Variants in IGF2BP1 observed in about 807,000 individuals in gnomAD.
The protein encoded by IGF2BP1 is insulin like growth factor 2 mRNA binding protein 1.
In IGF2BP1, 11 loss-of-function variants were observed where a neutral mutation model predicts 74.9. That is an observed-to-expected ratio of 0.15 (90% CI 0.09 to 0.24). The LOEUF (loss-of-function observed/expected upper bound fraction) is 0.24. IGF2BP1 is among the 10% of genes least tolerant of loss of function. The pLI is 1.00. For missense variants in IGF2BP1, 440 were observed against 757.4 expected (o/e 0.58, Z 4.92); for synonymous variants, 287 against 281.8 (o/e 1.02, Z -0.18).
intron 7 of IGF2BP1, 89 bp from the exon 8 acceptor site, chr17:49,041,289 C>A: frequency 6.9e-7 from 1 of 1,447,086 alleles, no homozygotes; most frequent in Non-Finnish European, 9.5e-7. Context: ...TTGGAAATGC[C>A]AAGTCTGGGG....
intron 3 of IGF2BP1, among the ~76,000 whole-genome samples, chr17:49,025,919 G>A (rs2041848431): frequency 6.8e-6 from 1 of 147,706 alleles, no homozygotes; most frequent in Non-Finnish European, 1.5e-5. Flanking sequence ...GCAGTGGCGC[G>A]ATCTCGACTC....
intron 2 of IGF2BP1, among the ~76,000 whole-genome samples, chr17:49,008,799 A>G (rs1214390875): frequency 2.6e-4 from 40 of 152,106 alleles, no homozygotes; most frequent in Admixed American, 2.6e-3. Flanking sequence ...CATGGGAGAA[A>G]ACATTTAACA....
At chr17:49,035,410 G>T (rs571998124) in intron 5 of IGF2BP1, among the ~76,000 whole-genome samples, 1 of 152,346 alleles carries the variant, frequency 6.6e-6, no homozygotes, top group African/African-American at 2.4e-5. Flanking sequence ...TAAGTTTCCT[G>T]CTTCATATAG....
intron 1 of IGF2BP1, among the ~76,000 whole-genome samples, chr17:48,998,894 G>T (rs1046056690): frequency 6.6e-6 from 1 of 152,012 alleles, no homozygotes; most frequent in African/African-American, 2.4e-5. Flanking sequence ...ATTTAATAAA[G>T]CAAAAATTAA....
chr17:49,053,281 A>G lies in IGF2BP1; in HGVS notation c.*3837A>G, dbSNP rs1003286697. 1.3e-5 allele frequency: 2 copies of G among 152,686 alleles called. No homozygotes were observed. Among genetic ancestry groups the G allele is most frequent in the Non-Finnish European group, 2.9e-5 (2 of 68,074 alleles). The allele number at this position is 152,686 out of a possible 1,614,324, so 9.5% of individuals were successfully genotyped here. Reference sequence around the variant, plus strand: ...TCTGTGTCCATTTTCCTCTGTGCCAAAGACAGACAGACAGAGGCTGAGAGA... The same window carrying G: ...TCTGTGTCCATTTTCCTCTGTGCCAGAGACAGACAGACAGAGGCTGAGAGA... On this transcript the variant is annotated 3_prime_UTR_variant, in exon 15 of 15. Coordinates refer to ENST00000290341, the MANE Select transcript of IGF2BP1 (RefSeq NM_006546.4).
At chr17:49,026,899 A>G (rs913713322) in intron 4 of IGF2BP1, among the ~76,000 whole-genome samples, 8 of 152,104 alleles carry the variant, frequency 5.3e-5, no homozygotes, top group African/African-American at 1.9e-4. Context: ...ACGTGCCACC[A>G]TACCCAGCTG....
chr17:49,041,521 C>T, intron 8 of IGF2BP1, 21 bp downstream of exon 8: 1 of 1,613,688 alleles, frequency 6.2e-7, no homozygotes, highest in Non-Finnish European at 8.5e-7. Context: ...CTTCTATTTC[C>T]CTGTTTATGA....
intron 4 of IGF2BP1, among the ~76,000 whole-genome samples, chr17:49,031,580 C>T (rs1183862868): frequency 6.6e-6 from 1 of 151,722 alleles, no homozygotes; most frequent in African/African-American, 2.4e-5. Context: ...TCACTGCAAC[C>T]TCTGCTTCCT....
rs192073236 is a variant in IGF2BP1, at chr17:49,031,174, G to A, written c.338-736G>A. Among the ~76,000 whole-genome samples the A allele has an allele frequency of 2.6e-3, 396 of 151,996 alleles. 2 individuals are homozygous for A. The highest frequency in any genetic ancestry group is 8.8e-3 in the African/African-American group (365 of 41,472). On this transcript the variant is annotated intron_variant, in intron 4 of 14. Transcript: ENST00000290341. ...CACTCTATCACCCCGGCTGGAGTGCGTTGGCTCGTTGCAACCTCCGCCTCC... is the reference window on the plus strand; with the variant it reads ...CACTCTATCACCCCGGCTGGAGTGCATTGGCTCGTTGCAACCTCCGCCTCC...
intron 4 of IGF2BP1, among the ~76,000 whole-genome samples, chr17:49,029,340 C>G (rs1022768590): frequency 1.3e-5 from 2 of 152,090 alleles, no homozygotes; most frequent in Non-Finnish European, 2.9e-5. Flanking sequence ...TGGGGCCTAG[C>G]GTGGTGGCTC....
intron 9 of IGF2BP1, 98 bp downstream of exon 9, chr17:49,042,475 G>A: frequency 2.2e-6 from 3 of 1,335,848 alleles, no homozygotes; most frequent in Non-Finnish European, 3.1e-6. Flanking sequence ...TGTGCCGTGT[G>A]GCCTTGGAGC....
chr17:49,040,546 G>T (rs1012313712), intron 7 of IGF2BP1, among the ~76,000 whole-genome samples: 1 of 152,178 alleles, frequency 6.6e-6, no homozygotes, highest in Non-Finnish European at 1.5e-5. Context: ...TGACCTCCTA[G>T]AAATTCTGTG....
At chr17:49,023,023 A>G (rs2041811246) in intron 2 of IGF2BP1, among the ~76,000 whole-genome samples, 1 of 152,336 alleles carries the variant, frequency 6.6e-6, no homozygotes, top group Non-Finnish European at 1.5e-5. Flanking sequence ...CAACCTTCCA[A>G]TGGCATGGCC....
chr17:49,029,828 C>T (rs1346679377), intron 4 of IGF2BP1, among the ~76,000 whole-genome samples: 6 of 148,476 alleles, frequency 4.0e-5, no homozygotes, highest in East Asian at 2.0e-4. Flanking sequence ...TTTGTAGAGA[C>T]GGGGTCTCCC....
In IGF2BP1 at chr17:49,055,858, T is replaced by TTTA. The variant is rs1555603990; in HGVS notation, c.*6414_*6415insTTA. 3.2e-4 allele frequency among the ~76,000 whole-genome samples: 47 copies of TTTA among 149,190 alleles called. No homozygotes were observed. Among genetic ancestry groups the TTTA allele is most frequent in the Admixed American group, 5.3e-4 (8 of 14,962 alleles). Reference sequence around the variant, plus strand: ...ACAGTTTTTTTTTTTTTTTTTTTTTTAAATATGAGTGCTAGCTTATTCTGT... The same window carrying TTTA: ...ACAGTTTTTTTTTTTTTTTTTTTTTTTTAAAATATGAGTGCTAGCTTATTCTGT... On this transcript the variant is annotated 3_prime_UTR_variant, in exon 15 of 15. Coordinates refer to ENST00000290341, the MANE Select transcript of IGF2BP1 (RefSeq NM_006546.4).
At chr17:49,005,828 G>A (rs373101278) in intron 2 of IGF2BP1, among the ~76,000 whole-genome samples, 11 of 152,210 alleles carry the variant, frequency 7.2e-5, no homozygotes, top group African/African-American at 2.4e-4. Context: ...TCTGGAGGCC[G>A]AATAGGGCAG....
intron 2 of IGF2BP1, among the ~76,000 whole-genome samples, chr17:49,016,919 C>T (rs1246941074): frequency 6.6e-6 from 1 of 151,398 alleles, no homozygotes; most frequent in Non-Finnish European, 1.5e-5. Context: ...TCCCCGCCCC[C>T]GCCCCCTTTC....
intron 6 of IGF2BP1, 51 bp from the exon 7 acceptor site, chr17:49,039,906 G>A (rs535632503): frequency 1.2e-6 from 2 of 1,603,182 alleles, no homozygotes; most frequent in African/African-American, 1.3e-5. Flanking sequence ...GGAGCCTGAA[G>A]TACTGGTATC....
At chr17:49,027,591 G>A (rs1041988790) in intron 4 of IGF2BP1, among the ~76,000 whole-genome samples, 2 of 151,842 alleles carry the variant, frequency 1.3e-5, no homozygotes, top group Non-Finnish European at 2.9e-5. Context: ...GGTGGCTCAC[G>A]CCTGTAATCC....
Sources: allele counts gnomAD v4.1 joint callset (sites outside exome capture counted in the v4.1 genomes callset), GRCh38; gene constraint gnomAD v4.1.1; transcripts MANE v1.5; gene names NCBI Gene and HGNC (gene_info 2026-07-23, HGNC 2026-07-21).